Variants in ARHGAP15 observed in about 807,000 individuals in gnomAD.
ARHGAP15 encodes the protein Rho GTPase activating protein 15, also known as rho GTPase-activating protein 15.
A neutral mutation model predicts 63.7 loss-of-function variants in ARHGAP15; 51 were observed. That is an observed-to-expected ratio of 0.80 (90% confidence interval 0.64 to 1.01). ARHGAP15 has a LOEUF of 1.01. Ranked by LOEUF, ARHGAP15 falls within the 50% of genes least tolerant of loss-of-function variation. The pLI, the probability that ARHGAP15 is intolerant of heterozygous loss-of-function variation, is 0.00. For synonymous variants in ARHGAP15, 191 were observed against 193.8 expected, an observed-to-expected ratio of 0.99 and a Z score of 0.12; for missense variants, 560 against 564.6, an observed-to-expected ratio of 0.99 and a Z score of 0.08.
chr2:143,648,778 T>G (rs1681020485), intron 12 of ARHGAP15: 1 of 151,982 alleles, frequency 6.6e-6, no homozygotes, highest in African/African-American at 2.4e-5. Context: ...TGTCCTATGA[T>G]TTTCATATAA....
At chr2:143,349,939 T>G (rs901674831) in intron 6 of ARHGAP15, among the ~76,000 whole-genome samples, 1 of 152,182 alleles carries the variant, frequency 6.6e-6, no homozygotes, top group Non-Finnish European at 1.5e-5. Context: ...ATGGTTTGAG[T>G]CCACCATTTC....
At chr2:143,438,586 T>C (rs945904493) in intron 8 of ARHGAP15, among the ~76,000 whole-genome samples, 3 of 152,220 alleles carry the variant, frequency 2.0e-5, no homozygotes, top group African/African-American at 7.2e-5. Context: ...AGTTGGAGTT[T>C]AAGATTATCA....
intron 5 of ARHGAP15, among the ~76,000 whole-genome samples, chr2:143,239,990 C>CAAAAAAAAAAAAAAAAAAAAAAA (rs60960176): frequency 3.8e-5 from 1 of 26,468 alleles, no homozygotes; most frequent in East Asian, 1.6e-3. Context: ...GACTCTGTCT[C>CAAAAAAAAAAAAAAAAAAAAAAA]AAAAAAAAAA....
At position 143,768,230 on chromosome 2, in the gene ARHGAP15, A is replaced by G. The variant is rs1223000650; in HGVS notation, c.*58A>G. 1.4e-5 allele frequency: 21 copies of G among 1,482,644 alleles called. No homozygotes were observed. The highest frequency in any genetic ancestry group is 1.5e-5 in the Non-Finnish European group (17 of 1,102,820). 91.8% of individuals were successfully genotyped at this position (1,482,644 alleles called of 1,614,324 possible). A position where few individuals can be genotyped will look rare whatever the true frequency, so the allele number is the denominator to read the frequency against. ...CTGTCTTGATGCCTAATATTTTTAC[A>G]TTTCTGTAAACATATTTCTGAAATA... On this transcript the variant is annotated 3_prime_UTR_variant, in exon 14 of 14. Transcript: ENST00000295095.
intron 8 of ARHGAP15, among the ~76,000 whole-genome samples, chr2:143,439,435 A>AAAAAAAAAAAAAAAAAAC (rs1689770037): frequency 6.8e-6 from 1 of 147,034 alleles, no homozygotes; most frequent in African/African-American, 2.5e-5. Flanking sequence ...AAAAAAAAAA[A>AAAAAAAAAAAAAAAAAAC]AAAAAAAAAA....
rs1689522139 is a variant in ARHGAP15 at position 143,434,477 on chromosome 2, G to T, written c.475-1124G>T. ...GAAACCTTCAGAATGAGCCATTTGG[G>T]GTAGTAATTGTCACTTTAATGATAG... On this transcript the variant is annotated intron_variant, in intron 6 of 13. Coordinates refer to ENST00000295095, the MANE Select transcript of ARHGAP15 (RefSeq NM_018460.4). Among the ~76,000 whole-genome samples the T allele has an allele frequency of 2.0e-5, 3 of 152,120 alleles. No individual in the cohort carries two copies. The South Asian group carries it at 6.2e-4, about 32-fold the overall frequency.
chr2:143,402,237 A>G (rs552337832), intron 6 of ARHGAP15, among the ~76,000 whole-genome samples: 1 of 152,014 alleles, frequency 6.6e-6, no homozygotes, highest in East Asian at 1.9e-4. Flanking sequence ...TTTGCCTGCC[A>G]TATAATATTA....
chr2:143,541,566 C>T (rs899510017), intron 10 of ARHGAP15, among the ~76,000 whole-genome samples: 1 of 152,154 alleles, frequency 6.6e-6, no homozygotes, highest in Non-Finnish European at 1.5e-5. Context: ...GTGTGGATGT[C>T]CTTTCTCTTT....
intron 8 of ARHGAP15, among the ~76,000 whole-genome samples, chr2:143,442,297 A>G (rs1689921071): frequency 6.6e-6 from 1 of 152,268 alleles, no homozygotes; most frequent in Non-Finnish European, 1.5e-5. Flanking sequence ...ACAAAAGCAC[A>G]CTTGAACTTT....
At chr2:143,661,864 G>C (rs184499023) in intron 12 of ARHGAP15, among the ~76,000 whole-genome samples, 6 of 152,334 alleles carry the variant, frequency 3.9e-5, no homozygotes, top group South Asian at 2.1e-4. Flanking sequence ...TTTCGGACCG[G>C]CTTAAAAAAT....
rs531560364 is a variant in ARHGAP15, at chr2:143,604,404, A to G, written c.1004-19729A>G. ...CTGAAGCAGAGGAGTCGTCACAATTATTCTAAATGCAGTTAGAGGATTCTG... is the reference window on the plus strand; with the variant it reads ...CTGAAGCAGAGGAGTCGTCACAATTGTTCTAAATGCAGTTAGAGGATTCTG... On this transcript the variant is annotated intron_variant, in intron 11 of 13. Transcript: ENST00000295095. 7.9e-5 allele frequency among the ~76,000 whole-genome samples: 12 copies of G among 152,318 alleles called. 1 individual carries two copies. In the South Asian group the frequency reaches 2.5e-3, roughly 32 times the overall value.
At position 143,349,882 on chromosome 2, in the gene ARHGAP15, A is replaced by G. The variant is rs550691020; in HGVS notation, c.475-85719A>G. Among the ~76,000 whole-genome samples the G allele has an allele frequency of 5.3e-5, 8 of 152,250 alleles. No homozygotes were observed. In the South Asian group the frequency reaches 1.7e-3, roughly 32 times the overall value. On this transcript the variant is annotated intron_variant, in intron 6 of 13. Coordinates refer to ENST00000295095, the MANE Select transcript of ARHGAP15 (RefSeq NM_018460.4). ...GCTACCTTACTCTCTTGTTTCTTGG[A>G]AGGATATGCATATGGATGATAAGAT...
rs35064003 is a variant in ARHGAP15, at chr2:143,276,065, G to A, written c.474+25465G>A. On this transcript the variant is annotated intron_variant, in intron 6 of 13. Coordinates refer to ENST00000295095, the MANE Select transcript of ARHGAP15 (RefSeq NM_018460.4). ...TTCCTTGACTTCCATAGCGAGAATC[G>A]TTCTTCCCACCTCTACTCTTCTGTA... 9.0e-3 allele frequency among the ~76,000 whole-genome samples: 1,368 copies of A among 152,244 alleles called. 19 individuals carry two copies. Among genetic ancestry groups the A allele is most frequent in the Middle Eastern group, 0.034 (10 of 294 alleles).
chr2:143,380,067 A>T (rs1686997534), intron 6 of ARHGAP15, among the ~76,000 whole-genome samples: 1 of 152,128 alleles, frequency 6.6e-6, no homozygotes, highest in Non-Finnish European at 1.5e-5. Flanking sequence ...CTGTGGTTAT[A>T]GCCCTCAAGC....
chr2:143,327,336 G>A (rs534898705), intron 6 of ARHGAP15, among the ~76,000 whole-genome samples: 2 of 152,258 alleles, frequency 1.3e-5, no homozygotes, highest in Admixed American at 1.3e-4. Context: ...GTAATTTATG[G>A]ATTCAATGCT....
At chr2:143,424,584 A>G (rs904239672) in intron 6 of ARHGAP15, among the ~76,000 whole-genome samples, 2 of 151,848 alleles carry the variant, frequency 1.3e-5, no homozygotes, top group African/African-American at 4.8e-5. Flanking sequence ...ATCTTTGTAC[A>G]AGCTTTTCCT....
At chr2:143,725,147 T>G (rs975803749) in intron 13 of ARHGAP15, among the ~76,000 whole-genome samples, 20 of 152,232 alleles carry the variant, frequency 1.3e-4, no homozygotes, top group Non-Finnish European at 2.6e-4. Context: ...ATTTGCTTAA[T>G]CAGAACCTTC....
At chr2:143,466,485 G>A (rs1691218102) in intron 8 of ARHGAP15, among the ~76,000 whole-genome samples, 1 of 151,760 alleles carries the variant, frequency 6.6e-6, no homozygotes. Context: ...CATTGTGTTT[G>A]GAGTATTAGT....
At chr2:143,542,780 GATATATATAATATCACATATATAGTA>G in intron 10 of ARHGAP15, among the ~76,000 whole-genome samples, 2 of 117,868 alleles carry the variant, frequency 1.7e-5, no homozygotes, top group East Asian at 2.1e-4. Context: ...ATATATATAT[GATATATATAATATCACATATATAGTA>G]TATATATGAT....
Sources: gnomAD v4.1 joint callset for allele counts (sites outside exome capture counted in the v4.1 genomes callset) on GRCh38, gnomAD v4.1.1 for gene constraint, MANE v1.5 for transcripts, NCBI Gene and HGNC (gene_info 2026-07-23, HGNC 2026-07-21) for gene names.